Variants in CFLAR observed in about 807,000 individuals in gnomAD.
The protein encoded by CFLAR is CASP8 and FADD-like apoptosis regulator.
CFLAR carries 14 observed loss-of-function variants against 51.1 expected under a neutral mutation model. That is an observed-to-expected ratio of 0.27 (90% CI 0.18 to 0.43). The LOEUF (loss-of-function observed/expected upper bound fraction) is 0.43. Among genes scored for constraint, CFLAR ranks in the 20% least tolerant of loss-of-function variants. The pLI is 1.00. For missense variants in CFLAR, 390 were observed against 566.5 expected (o/e 0.69, Z 3.16); for synonymous variants, 210 against 211.6 (o/e 0.99, Z 0.06).
At position 201,148,881 on chromosome 2, in the gene CFLAR, GAA is replaced by G. The variant is rs1389518444; in HGVS notation, c.662-121_662-120del. 4.3e-6 allele frequency: 3 copies of G among 694,500 alleles called. No individual in the cohort carries two copies. The African/African-American group carries it at 5.4e-5, about 12-fold the overall frequency. 43.0% of individuals were successfully genotyped at this position (694,500 alleles called of 1,614,324 possible). ...TTGGGGCCAAGTATAGCTGGGGAAA[GAA>G]GAGATAATTGAAGAAAATAGGAAGG... On this transcript the variant is annotated intron_variant, in intron 6 of 9. Transcript: ENST00000309955.
At chr2:201,143,140 C>A (rs546896643) in intron 5 of CFLAR, among the ~76,000 whole-genome samples, 51 of 152,230 alleles carry the variant, frequency 3.4e-4, no homozygotes, top group African/African-American at 1.2e-3. Context: ...CTGTTGTGAG[C>A]CCATATGCTT....
At chr2:201,130,555 G>A (rs1468380631) in intron 2 of CFLAR, among the ~76,000 whole-genome samples, 2 of 151,288 alleles carry the variant, frequency 1.3e-5, no homozygotes, top group East Asian at 1.9e-4. Context: ...TAGTGGAGAC[G>A]GGGTTTCACC....
chr2:201,126,246 A>T (rs1198235353), intron 1 of CFLAR, among the ~76,000 whole-genome samples: 1 of 152,190 alleles, frequency 6.6e-6, no homozygotes, highest in African/African-American at 2.4e-5. Flanking sequence ...CAAAAAAGTT[A>T]AAAGGATAAA....
chr2:201,131,898 C>T (rs1007519980), intron 2 of CFLAR, among the ~76,000 whole-genome samples: 5 of 152,094 alleles, frequency 3.3e-5, no homozygotes, highest in Admixed American at 3.3e-4. Flanking sequence ...AATAATAATA[C>T]CTGACTTTAC....
chr2:201,163,748 C>T, intron 9 of CFLAR, 87 bp from the exon 10 acceptor site: 1 of 1,526,974 alleles, frequency 6.5e-7, no homozygotes, highest in Non-Finnish European at 8.8e-7. Context: ...AAAGAACTTT[C>T]ACATCTGTTG....
Position 201,165,790 on chromosome 2 carries a change from A to T in CFLAR, c.*1817A>T, listed in dbSNP as rs376703949. 6.2e-6 allele frequency: 1 copy of T among 160,576 alleles called. No individual in the cohort carries two copies. Among genetic ancestry groups the T allele is most frequent in the East Asian group, 1.9e-4 (1 of 5,380 alleles). The allele number at this position is 160,576 out of a possible 1,614,324, so 9.9% of individuals were successfully genotyped here. ...TAGGGAGTGGTGATGACTCTTAAGG[A>T]GCATGCTGCCTTCAAGCATCTGTTT... On this transcript the variant is annotated 3_prime_UTR_variant, in exon 10 of 10. Coordinates refer to ENST00000309955, the MANE Select transcript of CFLAR (RefSeq NM_003879.7).
rs1288035164 is a variant in CFLAR, at chr2:201,165,241, C to CTTCTTA, written c.*1270_*1271insCTTATT. The CTTCTTA allele has an allele frequency of 6.4e-5, 9 of 140,876 alleles. No individual in the cohort carries two copies. The highest frequency in any genetic ancestry group is 2.4e-4 in the African/African-American group (9 of 37,830). 8.7% of individuals were successfully genotyped at this position (140,876 alleles called of 1,614,324 possible). On this transcript the variant is annotated 3_prime_UTR_variant, in exon 10 of 10. Coordinates refer to ENST00000309955, the MANE Select transcript of CFLAR (RefSeq NM_003879.7). ...ATTGTTTGAAATATCATTAGAGTTG[C>CTTCTTA]TTATTATTATTATTATTATTATTAT...
At chr2:201,134,559 C>T (rs1054988869) in intron 3 of CFLAR, among the ~76,000 whole-genome samples, 9 of 151,588 alleles carry the variant, frequency 5.9e-5, no homozygotes, top group Admixed American at 6.6e-5. Flanking sequence ...TGCTAGAACC[C>T]AGGAGGCAGA....
chr2:201,172,581 C>A lies in CFLAR; in HGVS notation c.*8608C>A, dbSNP rs1944084437. ...AGCTGCCACTCTAATCCTCCTCTTC[C>A]CCCAGCCTCTAGAAACAATAATCCA... On this transcript the variant is annotated 3_prime_UTR_variant, in exon 10 of 10. Transcript: ENST00000309955. 1 of 152,162 alleles carries A rather than the reference C, an allele frequency of 6.6e-6. No homozygotes were observed. The highest frequency in any genetic ancestry group is 2.4e-5 in the African/African-American group (1 of 41,436). 9.4% of individuals were successfully genotyped at this position (152,162 alleles called of 1,614,324 possible).
chr2:201,124,856 G>T lies in CFLAR; in HGVS notation c.-137-4873G>T, dbSNP rs2048532008. ...AATATAGTGGTGTGAGCTCAGCCAA[G>T]GGAGAAGAGTTTCAAGGAGGGATGA... On this transcript the variant is annotated intron_variant, in intron 1 of 9. Transcript: ENST00000309955. The surrounding 1 kb of genome is among the most constrained non-coding windows in gnomAD (Gnocchi z 4.7). Among the ~76,000 whole-genome samples the T allele has an allele frequency of 6.6e-6, 1 of 152,018 alleles. No homozygotes were observed.
chr2:201,169,123 A>C lies in CFLAR; in HGVS notation c.*5150A>C, dbSNP rs1348165134. ...TAGAAAAAAACTACTTTAAAATTCAAATGGAACCAAAAAAGAGCCCGTATA... is the reference window on the plus strand; with the variant it reads ...TAGAAAAAAACTACTTTAAAATTCACATGGAACCAAAAAAGAGCCCGTATA... On this transcript the variant is annotated 3_prime_UTR_variant, in exon 10 of 10. Transcript: ENST00000309955. 2.0e-5 allele frequency: 3 copies of C among 152,154 alleles called. No homozygotes were observed. The highest frequency in any genetic ancestry group is 4.4e-5 in the Non-Finnish European group (3 of 68,030). The allele number at this position is 152,154 out of a possible 1,614,324, so 9.4% of individuals were successfully genotyped here.
At chr2:201,158,237 C>A (rs1942499802) in intron 8 of CFLAR, among the ~76,000 whole-genome samples, 2 of 152,232 alleles carry the variant, frequency 1.3e-5, no homozygotes, top group South Asian at 4.1e-4. Context: ...TTTTGCCCTG[C>A]ACCACACAGC....
At chr2:201,137,761 C>A (rs76779213) in intron 4 of CFLAR, 11,422 of 929,410 alleles carry the variant, frequency 0.012, 112 homozygotes, top group Middle Eastern at 0.031. Context: ...GCCTTATCCC[C>A]GTCGTTGAAG....
chr2:201,161,687 T>C (rs1943024991), intron 9 of CFLAR, among the ~76,000 whole-genome samples: 1 of 151,628 alleles, frequency 6.6e-6, no homozygotes. Flanking sequence ...AGTGCTAGGA[T>C]TACAAGCGTG....
chr2:201,124,230 T>TTGA lies in CFLAR; in HGVS notation c.-137-5498_-137-5496dup, dbSNP rs1427895946. On this transcript the variant is annotated intron_variant, in intron 1 of 9. Coordinates refer to ENST00000309955, the MANE Select transcript of CFLAR (RefSeq NM_003879.7). This position sits in a 1 kb window ranked among gnomAD's most constrained non-coding sequence, Gnocchi z 4.7. ...CAGCGTTGGTGTTCTGTGAGAAAGG[T>TTGA]TGAGAGGCCTGACTAAACTTAACCA... is the stretch of plus-strand genomic sequence containing the variant. 6.6e-6 allele frequency among the ~76,000 whole-genome samples: 1 copy of TTGA among 152,164 alleles called. No homozygotes were observed.
At chr2:201,160,970 G>A (rs780836063) in intron 9 of CFLAR, 28 bp downstream of exon 9, 36 of 1,537,656 alleles carry the variant, frequency 2.3e-5, no homozygotes, top group African/African-American at 8.3e-5. Flanking sequence ...GGTCAGTTCC[G>A]GACCACCTGC....
chr2:201,138,870 G>A lies in CFLAR; in HGVS notation c.524-1487G>A, dbSNP rs558232162. On this transcript the variant is annotated intron_variant, in intron 4 of 9. Coordinates refer to ENST00000309955, the MANE Select transcript of CFLAR (RefSeq NM_003879.7). This position sits in a 1 kb window ranked among gnomAD's most constrained non-coding sequence, Gnocchi z 4.0. ...GTCCATGGGGGAGGAGATCAGCGGCGTCTTCAGAGTGACCATTGGGTCAGG... is the reference window on the plus strand; with the variant it reads ...GTCCATGGGGGAGGAGATCAGCGGCATCTTCAGAGTGACCATTGGGTCAGG... The A allele has an allele frequency of 1.8e-5, 13 of 707,662 alleles. No individual in the cohort carries two copies. Among genetic ancestry groups the A allele is most frequent in the African/African-American group, 8.7e-5 (5 of 57,484 alleles). The allele number at this position is 707,662 out of a possible 1,614,324, so 43.8% of individuals were successfully genotyped here. A position where few individuals can be genotyped will look rare whatever the true frequency, so the allele number is the denominator to read the frequency against.
intron 8 of CFLAR, among the ~76,000 whole-genome samples, chr2:201,158,847 C>CTTA (rs756458551): frequency 6.9e-6 from 1 of 144,966 alleles, no homozygotes; most frequent in Non-Finnish European, 1.5e-5. Context: ...GGCATTTGCC[C>CTTA]TCATCATTAT....
At chr2:201,152,231 A>G (rs1185461675) in intron 8 of CFLAR, among the ~76,000 whole-genome samples, 4 of 152,072 alleles carry the variant, frequency 2.6e-5, no homozygotes, top group African/African-American at 4.8e-5. Context: ...GCTGACCTCA[A>G]GTGATCCACC....
Sources: allele counts gnomAD v4.1 joint callset (sites outside exome capture counted in the v4.1 genomes callset), GRCh38; gene constraint gnomAD v4.1.1; non-coding constraint Gnocchi (gnomAD v3.1); transcripts MANE v1.5; gene names NCBI Gene and HGNC (gene_info 2026-07-23, HGNC 2026-07-21).